FTCDNL1: variants seen among roughly 807,000 people sequenced by gnomAD.
FTCDNL1 encodes formiminotransferase N-terminal subdomain-containing protein.
FTCDNL1 carries 11 observed loss-of-function variants against 5.9 expected under a neutral mutation model. The ratio of observed to expected loss-of-function variants is 1.87; its 90% CI spans 1.18 to 3.10. The LOEUF is 3.10. FTCDNL1 is among the 30% of genes most tolerant of loss of function. The pLI, the probability that FTCDNL1 is intolerant of heterozygous loss-of-function variation, is 0.00. For missense variants in FTCDNL1, 115 were observed against 65.5 expected (o/e 1.76, Z -2.61); for synonymous variants, 58 against 24.8 (o/e 2.34, Z -3.99).
intron 3 of FTCDNL1, among the ~76,000 whole-genome samples, chr2:199,841,974 T>C (rs1439899195): frequency 6.6e-6 from 1 of 152,100 alleles, no homozygotes; most frequent in African/African-American, 2.4e-5. Context: ...AACTTCATAA[T>C]CTAGCCAAGT....
chr2:199,815,600 C>T (rs1309931814), intron 4 of FTCDNL1, among the ~76,000 whole-genome samples: 3 of 151,970 alleles, frequency 2.0e-5, no homozygotes, highest in Admixed American at 6.6e-5. Flanking sequence ...AGAGGGAAAT[C>T]GCTATTGTTG....
intron 1 of FTCDNL1, among the ~76,000 whole-genome samples, chr2:199,849,915 C>A (rs2076830418): frequency 6.6e-6 from 1 of 151,766 alleles, no homozygotes; most frequent in Admixed American, 6.6e-5. Flanking sequence ...AGGTAATGTT[C>A]CCTGTGTGAG....
At chr2:199,825,085 C>A (rs1461655101) in intron 3 of FTCDNL1, among the ~76,000 whole-genome samples, 1 of 150,518 alleles carries the variant, frequency 6.6e-6, no homozygotes, top group Non-Finnish European at 1.5e-5. Flanking sequence ...CTGCAGTGAG[C>A]CATGATTATG....
downstream of FTCDNL1, among the ~76,000 whole-genome samples, chr2:199,807,666 A>C (rs947941651): frequency 2.0e-5 from 3 of 152,196 alleles, no homozygotes; most frequent in East Asian, 3.8e-4. Flanking sequence ...TTTATAATAA[A>C]AATGTAAATT....
In FTCDNL1 at chr2:199,850,770, T is replaced by C. The variant is rs368889375; in HGVS notation, c.-38A>G. 1.3e-5 allele frequency: 2 copies of C among 152,328 alleles called. No individual in the cohort carries two copies. The highest frequency in any genetic ancestry group is 2.9e-5 in the Non-Finnish European group (2 of 68,158). The allele number at this position is 152,328 out of a possible 1,614,324, so 9.4% of individuals were successfully genotyped here. A position where few individuals can be genotyped will look rare whatever the true frequency, so the allele number is the denominator to read the frequency against. Reference sequence around the variant, plus strand: ...CCCTGCGCACGCACCCCACCGGCACTTGGAGGCCGCAAGGACGCTCGCCAG... The same window carrying C: ...CCCTGCGCACGCACCCCACCGGCACCTGGAGGCCGCAAGGACGCTCGCCAG... On this transcript the variant is annotated 5_prime_UTR_variant, in exon 1 of 5. Coordinates refer to ENST00000420128, the MANE Select transcript of FTCDNL1 (RefSeq NM_001363886.2).
At chr2:199,823,163 A>G (rs1701801836) in intron 3 of FTCDNL1, among the ~76,000 whole-genome samples, 1 of 152,128 alleles carries the variant, frequency 6.6e-6, no homozygotes, top group African/African-American at 2.4e-5. Context: ...TTCAAGTTTT[A>G]TCACGAGATT....
At chr2:199,746,981 A>G in the FTCDNL1 span, among the ~76,000 whole-genome samples, 1 of 151,632 alleles carries the variant, frequency 6.6e-6, no homozygotes, top group Admixed American at 6.6e-5. Context: ...TTCAGCCAGC[A>G]TTGACATGAA....
intron 3 of FTCDNL1, among the ~76,000 whole-genome samples, chr2:199,800,053 C>T (rs896887164): frequency 2.6e-5 from 4 of 152,038 alleles, no homozygotes; most frequent in African/African-American, 9.7e-5. Flanking sequence ...ATAATAATCA[C>T]AGTATAATCA....
chr2:199,717,901 C>T, the FTCDNL1 span, among the ~76,000 whole-genome samples: 1 of 151,210 alleles, frequency 6.6e-6, no homozygotes. Flanking sequence ...CCACAATGGA[C>T]TCTCCAACAT....
At chr2:199,788,866 G>C (rs1039038618) in intron 3 of FTCDNL1, among the ~76,000 whole-genome samples, 44 of 151,986 alleles carry the variant, frequency 2.9e-4, no homozygotes, top group African/African-American at 1.0e-3. Flanking sequence ...AGACAGAGAA[G>C]AGATTAAAAA....
the FTCDNL1 span, among the ~76,000 whole-genome samples, chr2:199,747,128 A>G: frequency 6.6e-6 from 1 of 152,142 alleles, no homozygotes; most frequent in Non-Finnish European, 1.5e-5. Flanking sequence ...TTACAAAACA[A>G]TTTGATGAAT....
the FTCDNL1 span, among the ~76,000 whole-genome samples, chr2:199,725,824 C>T: frequency 6.6e-6 from 1 of 152,086 alleles, no homozygotes; most frequent in African/African-American, 2.4e-5. Flanking sequence ...GACATTTTTT[C>T]CTTCATTCTG....
intron 3 of FTCDNL1, among the ~76,000 whole-genome samples, chr2:199,765,556 A>ATATTTTTT: frequency 8.9e-4 from 38 of 42,660 alleles, no homozygotes; most frequent in African/African-American, 2.4e-3. Context: ...ATATATATAT[A>ATATTTTTT]TTTTTTTTTT....
At chr2:199,824,974 C>A (rs1701936959) in intron 3 of FTCDNL1, among the ~76,000 whole-genome samples, 1 of 151,626 alleles carries the variant, frequency 6.6e-6, no homozygotes, top group African/African-American at 2.4e-5. Context: ...CCCGTCTTTA[C>A]AAGAAATACA....
chr2:199,703,622 A>C, the FTCDNL1 span, among the ~76,000 whole-genome samples: 2 of 152,152 alleles, frequency 1.3e-5, no homozygotes, highest in Admixed American at 1.3e-4. Flanking sequence ...GGGTTTGAGC[A>C]AGAGGTGTGA....
chr2:199,669,400 C>T, the FTCDNL1 span, among the ~76,000 whole-genome samples: 1 of 152,292 alleles, frequency 6.6e-6, no homozygotes, highest in East Asian at 1.9e-4. Flanking sequence ...TCCATCTGCC[C>T]CATGACCATT....
intron 3 of FTCDNL1, among the ~76,000 whole-genome samples, chr2:199,841,668 G>A (rs1372472396): frequency 6.6e-6 from 1 of 151,900 alleles, no homozygotes; most frequent in Non-Finnish European, 1.5e-5. Flanking sequence ...TAAAAAAAAT[G>A]TATTCATGCT....
the FTCDNL1 span, among the ~76,000 whole-genome samples, chr2:199,698,658 C>A: frequency 2.6e-5 from 4 of 152,066 alleles, no homozygotes; most frequent in Non-Finnish European, 4.4e-5. Flanking sequence ...GTGCTAAATG[C>A]CCACATCAAA....
chr2:199,821,550 A>G (rs1285196802), intron 3 of FTCDNL1, among the ~76,000 whole-genome samples: 1 of 151,508 alleles, frequency 6.6e-6, no homozygotes, highest in African/African-American at 2.4e-5. Flanking sequence ...GTGCAACCTC[A>G]GCCTCCTGAG....
Sources: allele counts gnomAD v4.1 joint callset (sites outside exome capture counted in the v4.1 genomes callset), GRCh38; gene constraint gnomAD v4.1.1; transcripts MANE v1.5; gene names NCBI Gene and HGNC (gene_info 2026-07-23, HGNC 2026-07-21).